Variants in TEX11 observed in about 807,000 individuals in gnomAD.
The protein encoded by TEX11 is testis expressed 11, also known as testis-expressed protein 11.
TEX11 carries 7 observed loss-of-function variants against 84.4 expected under a neutral mutation model. The ratio of observed to expected loss-of-function variants is 0.08; its 90% CI spans 0.05 to 0.16. TEX11 has a LOEUF of 0.16. Ranked by LOEUF, TEX11 falls within the 10% of genes least tolerant of loss-of-function variation. TEX11 has a pLI of 1.00. For missense variants in TEX11, 551 were observed against 660.5 expected (o/e 0.83, Z 1.82); for synonymous variants, 264 against 222.8 (o/e 1.18, Z -1.64).
intron 8 of TEX11, among the ~76,000 whole-genome samples, chrX:70,823,053 C>A (rs1406865830): frequency 1.8e-5 from 2 of 110,547 alleles, no homozygotes; most frequent in Non-Finnish European, 3.8e-5. Context: ...AAACATTGAA[C>A]CCATACCACA....
At chrX:70,606,110 A>T (rs2089192998) in intron 23 of TEX11, among the ~76,000 whole-genome samples, 1 of 112,634 alleles carries the variant, frequency 8.9e-6, no homozygotes. Flanking sequence ...AATGGCAGTT[A>T]TGCCTAAACT....
At chrX:70,639,812 A>T (rs1306247901) in intron 17 of TEX11, among the ~76,000 whole-genome samples, 1 of 111,457 alleles carries the variant, frequency 9.0e-6, no homozygotes, top group Non-Finnish European at 1.9e-5. Context: ...AACCACAAAG[A>T]TGGGGAAAAA....
chrX:70,570,075 G>A (rs922490812), intron 25 of TEX11, among the ~76,000 whole-genome samples: 5 of 112,063 alleles, frequency 4.5e-5, no homozygotes, highest in Non-Finnish European at 9.4e-5. Context: ...CAAGCTTCCA[G>A]GCTGCTTTGT....
Position 70,666,404 on chromosome X carries a change from T to C in TEX11, c.1380+3973A>G, listed in dbSNP as rs6625655. Among the ~76,000 whole-genome samples the C allele has an allele frequency of 6.2e-5, 7 of 112,257 alleles. No homozygotes were observed. The East Asian group carries it at 1.7e-3, about 27-fold the overall frequency. On this transcript the variant is annotated intron_variant, in intron 16 of 29. Transcript: ENST00000374333. Reference sequence around the variant, plus strand: ...TAGATCATGGCTAGGAAGCAGCAAGTACTCCAGTTGAGGACAAACATAGTA... The same window carrying C: ...TAGATCATGGCTAGGAAGCAGCAAGCACTCCAGTTGAGGACAAACATAGTA...
intron 16 of TEX11, among the ~76,000 whole-genome samples, chrX:70,655,694 C>A (rs2089858019): frequency 9.0e-6 from 1 of 110,841 alleles, no homozygotes; most frequent in African/African-American, 3.3e-5. Flanking sequence ...TAGGAAGAAT[C>A]CTCTACTAAA....
chrX:70,731,244 T>C (rs1187457076), intron 11 of TEX11, among the ~76,000 whole-genome samples: 13 of 110,904 alleles, frequency 1.2e-4, no homozygotes, highest in East Asian at 2.8e-4. Flanking sequence ...ATTAAAAGAA[T>C]TACAGAAGCA....
At chrX:70,652,630 A>G (rs772196739) in intron 16 of TEX11, among the ~76,000 whole-genome samples, 1 of 112,075 alleles carries the variant, frequency 8.9e-6, no homozygotes, top group African/African-American at 3.2e-5. Context: ...AATACTTTGC[A>G]TATCAGTGAA....
chrX:70,820,891 C>T (rs1003082900), intron 8 of TEX11, among the ~76,000 whole-genome samples: 6 of 111,540 alleles, frequency 5.4e-5, no homozygotes, highest in African/African-American at 1.6e-4. Context: ...TACCTGAAAC[C>T]GTAAAACTTT....
At chrX:70,639,211 C>T (rs1020542750) in intron 17 of TEX11, among the ~76,000 whole-genome samples, 21 of 111,924 alleles carry the variant, frequency 1.9e-4, no homozygotes, top group Non-Finnish European at 3.0e-4. Context: ...GCTTTTCTCA[C>T]GGGCTTAAAA....
At chrX:70,628,631 T>C (rs779464936) in intron 18 of TEX11, among the ~76,000 whole-genome samples, 1 of 112,532 alleles carries the variant, frequency 8.9e-6, no homozygotes, top group South Asian at 3.7e-4. Context: ...TGAAGGAACA[T>C]ATTTCTAGCA....
the TEX11 span, among the ~76,000 whole-genome samples, chrX:70,518,390 C>CA: frequency 8.9e-6 from 1 of 112,134 alleles, no homozygotes; most frequent in Non-Finnish European, 1.9e-5. Flanking sequence ...GCCCAGTAGT[C>CA]ATTCAGGAGC....
At chrX:70,652,922 G>C (rs1002903405) in intron 16 of TEX11, among the ~76,000 whole-genome samples, 5 of 110,590 alleles carry the variant, frequency 4.5e-5, no homozygotes, top group Non-Finnish European at 9.5e-5. Context: ...CTAGTAGAAG[G>C]GGAAGACTGC....
chrX:70,671,880 GATATATATATAT>G (rs67645855), intron 15 of TEX11, among the ~76,000 whole-genome samples: 7 of 66,348 alleles, frequency 1.1e-4, no homozygotes, highest in Admixed American at 2.2e-4. Flanking sequence ...CAATTGTTTT[GATATATATATAT>G]ATATATATAT....
intron 28 of TEX11, among the ~76,000 whole-genome samples, chrX:70,537,981 A>G (rs1469556974): frequency 4.5e-5 from 5 of 111,749 alleles, no homozygotes; most frequent in Non-Finnish European, 9.4e-5. Context: ...TAAATAGTAC[A>G]AAGTGCCACC....
intron 16 of TEX11, among the ~76,000 whole-genome samples, chrX:70,666,211 A>T (rs765364005): frequency 8.9e-6 from 1 of 111,974 alleles, no homozygotes; most frequent in East Asian, 2.8e-4. Context: ...AAAGTCTTGG[A>T]GGAAAGGCAA....
intron 24 of TEX11, among the ~76,000 whole-genome samples, chrX:70,596,475 A>G (rs376553511): frequency 1.8e-5 from 2 of 111,833 alleles, no homozygotes; most frequent in African/African-American, 3.2e-5. Context: ...AAAATCAGCA[A>G]GAGAAAACAA....
intron 11 of TEX11, among the ~76,000 whole-genome samples, chrX:70,729,274 C>G (rs907251582): frequency 9.0e-6 from 1 of 111,595 alleles, no homozygotes; most frequent in African/African-American, 3.2e-5. Context: ...TCCAAAGGAG[C>G]GCAGCTCCTT....
intron 9 of TEX11, among the ~76,000 whole-genome samples, chrX:70,772,269 G>C (rs2090976167): frequency 9.0e-6 from 1 of 111,581 alleles, no homozygotes; most frequent in Non-Finnish European, 1.9e-5. Flanking sequence ...CCAACTCAAG[G>C]CCACAAAGAT....
intron 20 of TEX11, among the ~76,000 whole-genome samples, chrX:70,621,706 A>G (rs897505698): frequency 7.7e-5 from 8 of 104,493 alleles, no homozygotes; most frequent in Middle Eastern, 9.7e-3. Context: ...AGAACATACT[A>G]TAAGACTGGC....
Sources: gnomAD v4.1 joint callset for allele counts (sites outside exome capture counted in the v4.1 genomes callset) on GRCh38, gnomAD v4.1.1 for gene constraint, MANE v1.5 for transcripts, NCBI Gene and HGNC (gene_info 2026-07-23, HGNC 2026-07-21) for gene names.